Variants in ZNF407 observed in about 807,000 individuals in gnomAD.
ZNF407 encodes zinc finger protein 407.
In ZNF407, 17 loss-of-function variants were observed where a neutral mutation model predicts 131.2. The observed-to-expected ratio is 0.13, with a 90% CI of 0.09 to 0.19. The LOEUF (loss-of-function observed/expected upper bound fraction) is 0.19, where lower values mean the gene tolerates loss of function less well. ZNF407 is among the 10% of genes least tolerant of loss of function. ZNF407 has a pLI of 1.00. For synonymous variants in ZNF407, 1,156 were observed against 1,062.0 expected (o/e 1.09, Z -1.72); for missense variants, 2,681 against 2,830.6 (o/e 0.95, Z 1.20).
At chr18:75,054,454 G>A (rs1304712571) in intron 8 of ZNF407, among the ~76,000 whole-genome samples, 2 of 152,186 alleles carry the variant, frequency 1.3e-5, no homozygotes, top group Admixed American at 6.5e-5. Context: ...GACTACAAAA[G>A]TGAATGTGGG....
intron 8 of ZNF407, among the ~76,000 whole-genome samples, chr18:75,020,267 GATATGTGTGTGT>G (rs989194296): frequency 1.3e-4 from 19 of 151,602 alleles, no homozygotes; most frequent in African/African-American, 1.9e-4. Flanking sequence ...TGTATATATA[GATATGTGTGTGT>G]ATATGTGTGT....
chr18:74,867,850 G>A (rs1030159973), intron 4 of ZNF407, among the ~76,000 whole-genome samples: 2 of 152,176 alleles, frequency 1.3e-5, no homozygotes. Context: ...GAGTTAGACT[G>A]TGATAATAAG....
At chr18:74,828,918 A>G (rs1314314411) in intron 4 of ZNF407, among the ~76,000 whole-genome samples, 1 of 152,232 alleles carries the variant, frequency 6.6e-6, no homozygotes. Flanking sequence ...CTGCTGCCTT[A>G]GGGCTAACCG....
At chr18:74,831,647 TC>T (rs1224580678) in intron 4 of ZNF407, among the ~76,000 whole-genome samples, 1 of 152,242 alleles carries the variant, frequency 6.6e-6, no homozygotes, top group African/African-American at 2.4e-5. Flanking sequence ...TACCACATTT[TC>T]TTTATTCATC....
chr18:74,917,054 A>G (rs1423397514), intron 7 of ZNF407, among the ~76,000 whole-genome samples: 1 of 152,026 alleles, frequency 6.6e-6, no homozygotes, highest in Non-Finnish European at 1.5e-5. Context: ...ACGGCACGAG[A>G]GTTCTTTTTT....
At chr18:74,883,804 A>C (rs1420586491) in intron 6 of ZNF407, among the ~76,000 whole-genome samples, 1 of 152,184 alleles carries the variant, frequency 6.6e-6, no homozygotes, top group African/African-American at 2.4e-5. Context: ...CCTGAGATGC[A>C]GTATGTTTCT....
chr18:74,977,583 TC>T (rs1159577842), intron 8 of ZNF407, among the ~76,000 whole-genome samples: 1 of 152,236 alleles, frequency 6.6e-6, no homozygotes, highest in Non-Finnish European at 1.5e-5. Context: ...AGAAGATTAA[TC>T]TTATAAGCCT....
At chr18:74,656,342 C>T (rs1008307232) in intron 3 of ZNF407, among the ~76,000 whole-genome samples, 5 of 151,768 alleles carry the variant, frequency 3.3e-5, no homozygotes, top group Non-Finnish European at 7.4e-5. Flanking sequence ...TATATGTTAG[C>T]GTTCACATAC....
intron 8 of ZNF407, among the ~76,000 whole-genome samples, chr18:75,060,507 C>CTTTT (rs564194650): frequency 1.4e-4 from 18 of 124,452 alleles, no homozygotes; most frequent in East Asian, 4.7e-4. Context: ...TTCTTTTTTT[C>CTTTT]TTTTTTTTTT....
At chr18:74,910,498 A>G (rs971120333) in intron 7 of ZNF407, among the ~76,000 whole-genome samples, 1 of 152,164 alleles carries the variant, frequency 6.6e-6, no homozygotes, top group Non-Finnish European at 1.5e-5. Context: ...ATTTAAGTAT[A>G]TATGACTTAA....
chr18:74,972,920 G>A (rs966077077), intron 8 of ZNF407, among the ~76,000 whole-genome samples: 1 of 152,066 alleles, frequency 6.6e-6, no homozygotes, highest in African/African-American at 2.4e-5. Context: ...TATTAAGTTG[G>A]TATGTTTAAC....
chr18:74,624,909 C>T (rs1178422648), intron 1 of ZNF407, among the ~76,000 whole-genome samples: 1 of 152,236 alleles, frequency 6.6e-6, no homozygotes, highest in African/African-American at 2.4e-5. Flanking sequence ...GTTAAATATT[C>T]TGCTTGGGAG....
intron 3 of ZNF407, among the ~76,000 whole-genome samples, chr18:74,684,066 G>A (rs1055827562): frequency 6.6e-6 from 1 of 152,140 alleles, no homozygotes; most frequent in Non-Finnish European, 1.5e-5. Flanking sequence ...ATATTAGTAT[G>A]TTCAAAACTT....
chr18:74,627,730 C>G (rs559633575), intron 1 of ZNF407, among the ~76,000 whole-genome samples: 1 of 152,030 alleles, frequency 6.6e-6, no homozygotes, highest in African/African-American at 2.4e-5. Flanking sequence ...GCTTGTGTAC[C>G]GAGAAATCCT....
chr18:74,947,419 A>G (rs185777682), intron 8 of ZNF407, among the ~76,000 whole-genome samples: 2 of 152,276 alleles, frequency 1.3e-5, no homozygotes, highest in East Asian at 3.9e-4. Flanking sequence ...TCAAAGTATC[A>G]TTTTTGGTAG....
intron 1 of ZNF407, among the ~76,000 whole-genome samples, chr18:74,623,284 G>A (rs1338912191): frequency 3.3e-5 from 5 of 152,040 alleles, no homozygotes; most frequent in Middle Eastern, 3.4e-3. Context: ...GTGAGACTGC[G>A]TGTTTGAGTG....
At chr18:74,602,787 T>A (rs751203887) in intron 1 of ZNF407, among the ~76,000 whole-genome samples, 3 of 151,222 alleles carry the variant, frequency 2.0e-5, no homozygotes, top group Non-Finnish European at 4.4e-5. Flanking sequence ...TCATTCAACA[T>A]TTTTTTTAGC....
In ZNF407 at chr18:75,063,945, C is replaced by G; in HGVS notation, c.6224C>G (p.Ala2075Gly). 1 of 1,613,726 alleles carries G rather than the reference C, an allele frequency of 6.2e-7. No homozygotes were observed. The highest frequency in any genetic ancestry group is 1.1e-5 in the South Asian group (1 of 91,044). The change falls in exon 9 of 9, where the codon GCC becomes GGC. Residue 2075 changes from alanine (A) to glycine (G), a missense_variant. Ala to Gly is a moderately conservative substitution (Grantham distance 60). Transcript: ENST00000299687. This position sits in a 1 kb window ranked among gnomAD's most constrained non-coding sequence, Gnocchi z 6.6. ...GCCTCTCAGGAGCGGGCACAGGTGG[C>G]CTTCAAGAAGATGGTCCAGGGCGTC... is the stretch of plus-strand genomic sequence containing the variant. Reference protein sequence around the residue: ...AMASQERAQVAFKKMVQGVLQ... With the variant: ...AMASQERAQVGFKKMVQGVLQ...
chr18:74,609,516 T>TA lies in ZNF407; in HGVS notation c.-54+11587dup, dbSNP rs202138714. Among the ~76,000 whole-genome samples, 364 of 151,936 alleles carry TA rather than the reference T, an allele frequency of 2.4e-3. 1 individual carries two copies. The highest frequency in any genetic ancestry group is 7.9e-3 in the African/African-American group (328 of 41,448). ...TGCAGTAAAAATATGGTATAAAAGA[T>TA]AAAAAAAAGGTATACTTGTTTAGAG... On this transcript the variant is annotated intron_variant, in intron 1 of 8. Transcript: ENST00000299687.
Sources: allele counts gnomAD v4.1 joint callset (sites outside exome capture counted in the v4.1 genomes callset), GRCh38; gene constraint gnomAD v4.1.1; non-coding constraint Gnocchi (gnomAD v3.1); transcripts MANE v1.5; gene names NCBI Gene and HGNC (gene_info 2026-07-23, HGNC 2026-07-21).